The following CDH18 variants were observed in gnomAD, a reference collection of about 807,000 sequenced individuals.
CDH18 encodes cadherin 18.
A neutral mutation model predicts 67.9 loss-of-function variants in CDH18; 31 were observed. That is an observed-to-expected ratio of 0.46 (90% CI 0.34 to 0.62). The LOEUF (loss-of-function observed/expected upper bound fraction) is 0.62, where lower values mean the gene tolerates loss of function less well. Ranked by LOEUF, CDH18 falls within the 20% of genes least tolerant of loss-of-function variation. The probability of loss-of-function intolerance (pLI) is 0.01; values close to 1 mark genes in which losing one functional copy is unlikely to be tolerated. For missense variants in CDH18, 890 were observed against 975.5 expected (o/e 0.91, Z 1.17); for synonymous variants, 362 against 347.2 (o/e 1.04, Z -0.48).
intron 2 of CDH18, among the ~76,000 whole-genome samples, chr5:19,870,405 G>T (rs554327320): frequency 6.6e-6 from 1 of 152,122 alleles, no homozygotes; most frequent in South Asian, 2.1e-4. Flanking sequence ...AAAATCAGAA[G>T]GTTACATTAA....
intron 6 of CDH18, among the ~76,000 whole-genome samples, chr5:19,608,336 G>T (rs2077556942): frequency 6.6e-6 from 1 of 151,466 alleles, no homozygotes; most frequent in African/African-American, 2.4e-5. Flanking sequence ...ACACTAGAAA[G>T]ACCTCAATTC....
At chr5:20,305,605 T>G in intron 1 of CDH18, 43 of 432,202 alleles carry the variant, frequency 9.9e-5, no homozygotes, top group Middle Eastern at 6.0e-4. Flanking sequence ...TCAGAGGACT[T>G]GGTGCTCGGC....
chr5:19,625,204 T>C (rs1433435859), intron 5 of CDH18, among the ~76,000 whole-genome samples: 1 of 152,198 alleles, frequency 6.6e-6, no homozygotes, highest in Non-Finnish European at 1.5e-5. Context: ...CAATTATGCC[T>C]ATCCTTCTGA....
chr5:19,663,056 T>G (rs2150318607), intron 5 of CDH18, among the ~76,000 whole-genome samples: 1 of 152,060 alleles, frequency 6.6e-6, no homozygotes, highest in East Asian at 1.9e-4. Context: ...TACACAAAAG[T>G]ACTCATTTAA....
intron 2 of CDH18, among the ~76,000 whole-genome samples, chr5:19,994,248 T>C (rs940495957): frequency 1.3e-5 from 2 of 150,740 alleles, no homozygotes; most frequent in South Asian, 2.1e-4. Context: ...CACACACATA[T>C]ACACATATAT....
intron 2 of CDH18, among the ~76,000 whole-genome samples, chr5:19,994,333 T>TATACATATATACACATATATGTATACATA (rs1800161860): frequency 2.2e-5 from 3 of 137,432 alleles, no homozygotes; most frequent in African/African-American, 9.6e-5. Flanking sequence ...ATACATATAT[T>TATACATATATACACATATATGTATACATA]TATACACCTC....
upstream of CDH18, among the ~76,000 whole-genome samples, chr5:19,990,330 T>C (rs1172813416): frequency 2.6e-5 from 4 of 152,228 alleles, no homozygotes; most frequent in Non-Finnish European, 5.9e-5. Context: ...AGCTTGCTAC[T>C]GAAGCAGTGG....
intron 3 of CDH18, among the ~76,000 whole-genome samples, chr5:19,770,610 C>T (rs939122166): frequency 3.6e-5 from 3 of 82,986 alleles, no homozygotes; most frequent in African/African-American, 7.7e-5. Flanking sequence ...ACTTTCCATG[C>T]CAAAAAAAAA....
chr5:19,580,957 A>G (rs1238611311), intron 7 of CDH18, among the ~76,000 whole-genome samples: 1 of 151,994 alleles, frequency 6.6e-6, no homozygotes, highest in Non-Finnish European at 1.5e-5. Context: ...TCAAGTATTT[A>G]TTATTAAGTT....
chr5:20,402,667 T>A (rs1163174069), intron 1 of CDH18, among the ~76,000 whole-genome samples: 1 of 152,166 alleles, frequency 6.6e-6, no homozygotes, highest in Admixed American at 6.5e-5. Flanking sequence ...ATTATGATTA[T>A]ATGAACCTTC....
chr5:20,367,495 T>C (rs78624483), intron 1 of CDH18, among the ~76,000 whole-genome samples: 3,009 of 152,256 alleles, frequency 0.02, 59 homozygotes, highest in African/African-American at 0.051. Context: ...GCTGCTGGGA[T>C]AGTTAGGCAA....
chr5:20,432,692 C>T lies in CDH18; in HGVS notation c.-580+142770G>A, dbSNP rs180955777. 1.1e-4 allele frequency among the ~76,000 whole-genome samples: 17 copies of T among 151,946 alleles called. No homozygotes were observed. In the East Asian group the frequency reaches 3.1e-3, roughly 28 times the overall value. On this transcript the variant is annotated intron_variant, in intron 1 of 14. Coordinates refer to the CDH18 transcript ENST00000507958. ...TCTGTGTTGCCTGTATCTTTATCTA[C>T]TCTGCTTTAAAGAACACCAGTCATA...
intron 2 of CDH18, among the ~76,000 whole-genome samples, chr5:20,104,239 T>C (rs1322584526): frequency 1.3e-5 from 2 of 152,044 alleles, no homozygotes; most frequent in South Asian, 2.1e-4. Context: ...TTTGAAATAA[T>C]GGTAATGAAT....
chr5:19,541,032 G>A (rs1489995340), intron 9 of CDH18, among the ~76,000 whole-genome samples: 1 of 151,736 alleles, frequency 6.6e-6, no homozygotes, highest in Non-Finnish European at 1.5e-5. Flanking sequence ...GCTTCCTCTT[G>A]AACTCTTTGT....
chr5:20,162,123 A>G (rs2126614599), intron 2 of CDH18, among the ~76,000 whole-genome samples: 1 of 152,226 alleles, frequency 6.6e-6, no homozygotes, highest in Middle Eastern at 3.4e-3. Context: ...ACAGTCCCAG[A>G]AATACATAAA....
At chr5:20,431,504 A>AAAAAAAAAAAAAAAAAAAAAGAAG (rs536468948) in intron 1 of CDH18, among the ~76,000 whole-genome samples, 1 of 138,742 alleles carries the variant, frequency 7.2e-6, no homozygotes. Context: ...AAAAAAAAAA[A>AAAAAAAAAAAAAAAAAAAAAGAAG]AAGAAGAAGA....
chr5:19,541,326 C>T (rs1028795830), intron 9 of CDH18, among the ~76,000 whole-genome samples: 2 of 150,896 alleles, frequency 1.3e-5, no homozygotes, highest in Non-Finnish European at 2.9e-5. Context: ...CTCCAAGTCT[C>T]CAGGATGTTC....
At chr5:20,437,342 A>T (rs73766067) in intron 1 of CDH18, among the ~76,000 whole-genome samples, 2,183 of 151,436 alleles carry the variant, frequency 0.014, 78 homozygotes, top group South Asian at 0.049. Flanking sequence ...CTCTTGCTTT[A>T]AAAAAGTATC....
chr5:20,119,138 A>G (rs1403701575), intron 2 of CDH18, among the ~76,000 whole-genome samples: 1 of 152,176 alleles, frequency 6.6e-6, no homozygotes, highest in Non-Finnish European at 1.5e-5. Flanking sequence ...TCTGGAAAAA[A>G]AATCCATGAA....
Sources: gnomAD v4.1 joint callset for allele counts (sites outside exome capture counted in the v4.1 genomes callset) on GRCh38, gnomAD v4.1.1 for gene constraint, MANE v1.5 for transcripts, NCBI Gene and HGNC (gene_info 2026-07-23, HGNC 2026-07-21) for gene names.